Variants in STPG2 observed in about 807,000 individuals in gnomAD.
STPG2 encodes sperm tail PG-rich repeat containing 2.
STPG2 carries 56 observed loss-of-function variants against 54.2 expected under a neutral mutation model. That is an observed-to-expected ratio of 1.03 (90% CI 0.83 to 1.29). The LOEUF (loss-of-function observed/expected upper bound fraction) is 1.29. STPG2 is among the 50% of genes most tolerant of loss of function. STPG2 has a pLI of 0.00. For missense variants in STPG2, 596 were observed against 544.9 expected, an observed-to-expected ratio of 1.09 and a Z score of -0.93; for synonymous variants, 200 against 181.8, an observed-to-expected ratio of 1.10 and a Z score of -0.81.
At chr4:98,006,375 G>C (rs1237212767) in intron 5 of STPG2, among the ~76,000 whole-genome samples, 3 of 152,180 alleles carry the variant, frequency 2.0e-5, no homozygotes, top group Non-Finnish European at 4.4e-5. Flanking sequence ...AACATGAGGA[G>C]AGGCTGTGAG....
At chr4:97,825,881 TAA>T (rs1728244243) in intron 9 of STPG2, among the ~76,000 whole-genome samples, 1 of 152,178 alleles carries the variant, frequency 6.6e-6, no homozygotes, top group Non-Finnish European at 1.5e-5. Context: ...ATTGGTAAAA[TAA>T]AAGTCTTCAA....
chr4:97,551,534 T>A (rs1731966335), intron 4 of STPG2, among the ~76,000 whole-genome samples: 2 of 152,196 alleles, frequency 1.3e-5, no homozygotes, highest in African/African-American at 4.8e-5. Context: ...ACTTAAAACT[T>A]CTTCTGAGAA....
intron 5 of STPG2, among the ~76,000 whole-genome samples, chr4:98,007,614 A>G (rs767968642): frequency 3.3e-4 from 51 of 152,292 alleles, no homozygotes; most frequent in Middle Eastern, 3.4e-3. Flanking sequence ...CCTAACTGAA[A>G]TAAAATTTGT....
At chr4:98,107,354 AC>A (rs1739217709) in intron 4 of STPG2, among the ~76,000 whole-genome samples, 1 of 56,766 alleles carries the variant, frequency 1.8e-5, no homozygotes, top group Admixed American at 1.4e-4. Flanking sequence ...AACTGAGACA[AC>A]TACAAGTCAA....
chr4:98,115,756 T>C (rs1333582257), intron 3 of STPG2, among the ~76,000 whole-genome samples: 2 of 151,972 alleles, frequency 1.3e-5, no homozygotes, highest in Non-Finnish European at 2.9e-5. Context: ...TATTACAGTA[T>C]CAATTTGGCA....
At chr4:97,874,087 C>T (rs1007888878) in intron 8 of STPG2, among the ~76,000 whole-genome samples, 2 of 151,332 alleles carry the variant, frequency 1.3e-5, no homozygotes, top group Admixed American at 6.6e-5. Flanking sequence ...AAGAATTTTC[C>T]ATCAGAAACA....
intron 7 of STPG2, among the ~76,000 whole-genome samples, chr4:97,954,176 C>T (rs914763532): frequency 2.0e-5 from 3 of 152,124 alleles, no homozygotes; most frequent in African/African-American, 7.2e-5. Context: ...CACATTTCTA[C>T]ATGAATAATT....
intron 4 of STPG2, among the ~76,000 whole-genome samples, chr4:97,528,469 T>A (rs1218643747): frequency 6.6e-6 from 1 of 152,156 alleles, no homozygotes; most frequent in Admixed American, 6.6e-5. Flanking sequence ...CTTAGGATTG[T>A]CTTGGCTATA....
chr4:97,725,651 A>T (rs1724600285), intron 9 of STPG2, among the ~76,000 whole-genome samples: 1 of 151,816 alleles, frequency 6.6e-6, no homozygotes, highest in Non-Finnish European at 1.5e-5. Context: ...TATGAAAGAT[A>T]AAAAGATATT....
In STPG2 at chr4:97,947,826, T is replaced by C. The variant is rs2865947; in HGVS notation, c.934-3819A>G. On this transcript the variant is annotated intron_variant, in intron 7 of 10. Coordinates refer to ENST00000295268, the MANE Select transcript of STPG2 (RefSeq NM_174952.3). ...CTATCTAGTATTTTGTTGAGAGTTTTTGCATCTACATTCATCAGGGATATT... is the reference window on the plus strand; with the variant it reads ...CTATCTAGTATTTTGTTGAGAGTTTCTGCATCTACATTCATCAGGGATATT... Among the ~76,000 whole-genome samples, 1,169 of 152,262 alleles carry C rather than the reference T, an allele frequency of 7.7e-3. 10 individuals are homozygous for C. Among genetic ancestry groups the C allele is most frequent in the Middle Eastern group, 0.051 (15 of 294 alleles).
chr4:97,601,501 A>G (rs1733460590), intron 10 of STPG2, among the ~76,000 whole-genome samples: 1 of 151,718 alleles, frequency 6.6e-6, no homozygotes, highest in Admixed American at 6.6e-5. Context: ...CGTATGGGTG[A>G]TTGAATTTTT....
At chr4:97,640,775 T>G (rs1019149923) in intron 10 of STPG2, among the ~76,000 whole-genome samples, 78 of 151,334 alleles carry the variant, frequency 5.2e-4, no homozygotes, top group African/African-American at 1.8e-3. Context: ...AAATTAAAGA[T>G]TTAGATACGT....
chr4:97,951,338 G>A (rs1253199683), intron 7 of STPG2, among the ~76,000 whole-genome samples: 1 of 152,162 alleles, frequency 6.6e-6, no homozygotes, highest in Non-Finnish European at 1.5e-5. Flanking sequence ...CAGCAGGCAA[G>A]GAGAACCCAT....
chr4:97,600,422 T>C (rs938891808), intron 10 of STPG2, among the ~76,000 whole-genome samples: 4 of 152,172 alleles, frequency 2.6e-5, no homozygotes, highest in African/African-American at 4.8e-5. Context: ...AGCATACATA[T>C]AGTTACAAAG....
At chr4:97,638,687 C>T (rs1479489692) in intron 10 of STPG2, among the ~76,000 whole-genome samples, 16 of 144,132 alleles carry the variant, frequency 1.1e-4, no homozygotes, top group Non-Finnish European at 2.1e-4. Flanking sequence ...GGGCGAAGGA[C>T]ATGAACAGAC....
intron 8 of STPG2, among the ~76,000 whole-genome samples, chr4:97,858,700 C>T (rs1219371448): frequency 6.6e-6 from 1 of 152,172 alleles, no homozygotes; most frequent in African/African-American, 2.4e-5. Flanking sequence ...ATCACCAACT[C>T]CATCCAGGTT....
At chr4:98,069,950 C>T (rs1026140572) in intron 5 of STPG2, among the ~76,000 whole-genome samples, 4 of 151,886 alleles carry the variant, frequency 2.6e-5, no homozygotes, top group African/African-American at 9.7e-5. Context: ...AAACGAGAGT[C>T]AGAGGTACAA....
chr4:97,692,000 G>A (rs1226324552), intron 10 of STPG2, among the ~76,000 whole-genome samples: 1 of 152,112 alleles, frequency 6.6e-6, no homozygotes, highest in Non-Finnish European at 1.5e-5. Flanking sequence ...CATGAAAGGA[G>A]CACCCTATGG....
chr4:97,475,529 CATATTCAACGT>C (rs894513022), intron 4 of STPG2, among the ~76,000 whole-genome samples: 1 of 150,318 alleles, frequency 6.7e-6, no homozygotes, highest in Non-Finnish European at 1.5e-5. Context: ...ATATATGTAC[CATATTCAACGT>C]ATGTTACATT....
Sources: allele counts gnomAD v4.1 joint callset (sites outside exome capture counted in the v4.1 genomes callset), GRCh38; gene constraint gnomAD v4.1.1; transcripts MANE v1.5; gene names NCBI Gene and HGNC (gene_info 2026-07-23, HGNC 2026-07-21).